Variants in DISC1 observed in about 807,000 individuals in gnomAD.
DISC1 encodes the protein DISC1 scaffold protein.
In DISC1, 57 loss-of-function variants were observed where a neutral mutation model predicts 84.5. That is an observed-to-expected ratio of 0.67 (90% CI 0.55 to 0.84). The LOEUF is 0.84. Among genes scored for constraint, DISC1 ranks in the 40% least tolerant of loss-of-function variants. The probability of loss-of-function intolerance (pLI) is 0.00; values close to 1 mark genes in which losing one functional copy is unlikely to be tolerated. For synonymous variants in DISC1, 411 were observed against 415.2 expected (o/e 0.99, Z 0.12); for missense variants, 1,000 against 1,057.8 (o/e 0.95, Z 0.76).
chr1:231,687,716 T>A (rs1460817445), intron 1 of DISC1, among the ~76,000 whole-genome samples: 4 of 152,314 alleles, frequency 2.6e-5, no homozygotes, highest in South Asian at 4.1e-4. Flanking sequence ...AGGCCCAGGT[T>A]GTTGAATTAA....
At chr1:231,837,009 C>G (rs559311019) in intron 9 of DISC1, among the ~76,000 whole-genome samples, 1 of 152,280 alleles carries the variant, frequency 6.6e-6, no homozygotes, top group Non-Finnish European at 1.5e-5. Flanking sequence ...TTTGCCACAT[C>G]TAATGTAATA....
rs80205840 is a variant in DISC1, at chr1:231,934,350, G to T, written c.1982-24478G>T. On this transcript the variant is annotated intron_variant, in intron 9 of 12. Coordinates refer to ENST00000439617, the MANE Select transcript of DISC1 (RefSeq NM_018662.3). ...AGCTCCTCAGCATTGTATCTTATGG[G>T]AATAGTTACTCTTCAGCCTCCGTGT... Among the ~76,000 whole-genome samples the T allele has an allele frequency of 6.0e-3, 910 of 152,296 alleles. 15 individuals are homozygous for T. Among genetic ancestry groups the T allele is most frequent in the African/African-American group, 0.021 (875 of 41,544 alleles).
rs564105042 is a variant in DISC1, at chr1:231,725,150, T to C, written c.1117+23126T>C. Among the ~76,000 whole-genome samples the C allele has an allele frequency of 3.9e-5, 6 of 152,256 alleles. No homozygotes were observed. The East Asian group carries it at 9.7e-4, about 25-fold the overall frequency. On this transcript the variant is annotated intron_variant, in intron 3 of 12. Transcript: ENST00000439617. ...GCAGCAACCACAGTGACGTCCCCAGTGATCAGGCTTCGTGGGGATGCTCAA... is the reference window on the plus strand; with the variant it reads ...GCAGCAACCACAGTGACGTCCCCAGCGATCAGGCTTCGTGGGGATGCTCAA...
chr1:231,840,771 G>T (rs372675500), intron 9 of DISC1, among the ~76,000 whole-genome samples: 1 of 151,870 alleles, frequency 6.6e-6, no homozygotes, highest in Non-Finnish European at 1.5e-5. Flanking sequence ...GCAGTGGCGC[G>T]ATCTCAGCTC....
In DISC1 at chr1:232,036,635, C is replaced by T. The variant is rs9726468; in HGVS notation, c.2426-57C>T. ...CAGGCTCACACGCTCTTCGATCCCT[C>T]GGAGGCCGCAGAGGGCCACGATCAC... is the stretch of plus-strand genomic sequence containing the variant. On this transcript the variant is annotated intron_variant, in intron 12 of 12. Transcript: ENST00000439617. The T allele has an allele frequency of 4.7e-3, 6,855 of 1,450,608 alleles. 234 individuals carry two copies. The African/African-American group carries it at 0.079, about 17-fold the overall frequency. 89.9% of individuals were successfully genotyped at this position (1,450,608 alleles called of 1,614,324 possible).
At chr1:231,818,734 C>T in intron 9 of DISC1, 6 of 1,402,266 alleles carry the variant, frequency 4.3e-6, no homozygotes, top group Non-Finnish European at 5.5e-6. Flanking sequence ...GACATCTTTT[C>T]TTTTTCTGTT....
chr1:232,011,301 G>T (rs2103004514), intron 11 of DISC1, among the ~76,000 whole-genome samples: 1 of 152,232 alleles, frequency 6.6e-6, no homozygotes, highest in African/African-American at 2.4e-5. Context: ...CTGCTGTTTG[G>T]GTGCTCCAGG....
intron 10 of DISC1, among the ~76,000 whole-genome samples, chr1:231,968,074 T>C (rs1284744858): frequency 6.6e-6 from 1 of 152,222 alleles, no homozygotes; most frequent in African/African-American, 2.4e-5. Context: ...AATTTATAAT[T>C]AACTTTTCTG....
intron 3 of DISC1, among the ~76,000 whole-genome samples, chr1:231,725,902 C>T (rs1489003769): frequency 6.6e-6 from 1 of 152,078 alleles, no homozygotes; most frequent in Non-Finnish European, 1.5e-5. Flanking sequence ...GCTGGAGAAA[C>T]TGCACACTGA....
At chr1:231,786,467 C>T (rs1036621664) in intron 6 of DISC1, among the ~76,000 whole-genome samples, 2 of 152,210 alleles carry the variant, frequency 1.3e-5, no homozygotes, top group Non-Finnish European at 2.9e-5. Flanking sequence ...GTGTTGTTGT[C>T]ACCTTGGATG....
At chr1:232,034,900 A>G (rs1261137399) in intron 12 of DISC1, among the ~76,000 whole-genome samples, 5 of 151,748 alleles carry the variant, frequency 3.3e-5, no homozygotes, top group Admixed American at 2.6e-4. Flanking sequence ...AGCCTCTTAA[A>G]AAAAAAAAAG....
In DISC1 at chr1:231,675,894, G is replaced by A. The variant is rs1558304159; in HGVS notation, c.68-17932G>A. Among the ~76,000 whole-genome samples, 1 of 150,696 alleles carries A rather than the reference G, an allele frequency of 6.6e-6. No homozygotes were observed. Among genetic ancestry groups the A allele is most frequent in the African/African-American group, 2.4e-5 (1 of 40,864 alleles). On this transcript the variant is annotated intron_variant, in intron 1 of 12. Coordinates refer to ENST00000439617, the MANE Select transcript of DISC1 (RefSeq NM_018662.3). This position sits in a 1 kb window ranked among gnomAD's most constrained non-coding sequence, Gnocchi z 4.1. ...ACACAGAATTCCCACTGTCGCCCAG[G>A]CTGGAATGCAATGATGTGATCTCGG...
chr1:231,717,591 A>G (rs200141488), intron 3 of DISC1, among the ~76,000 whole-genome samples: 102 of 152,318 alleles, frequency 6.7e-4, no homozygotes, highest in Non-Finnish European at 1.2e-3. Context: ...GGCAAGGGTC[A>G]TGTATTCAGA....
intron 9 of DISC1, among the ~76,000 whole-genome samples, chr1:231,869,251 G>T (rs1054200423): frequency 6.6e-6 from 1 of 152,114 alleles, no homozygotes; most frequent in Non-Finnish European, 1.5e-5. Flanking sequence ...TACAACCACC[G>T]GGGAGTCTGT....
chr1:232,014,623 A>G (rs1558838063), intron 11 of DISC1, among the ~76,000 whole-genome samples: 1 of 152,230 alleles, frequency 6.6e-6, no homozygotes, highest in Admixed American at 6.5e-5. Context: ...CTAGCTGAAA[A>G]CATGCCCTCT....
rs545966205 is a variant in DISC1 at position 231,997,242 on chromosome 1, A to G, written c.2043-11543A>G. The stretch of plus-strand genomic sequence containing the variant: ...TCCCATCAAATAGCAAATAGACACA[A>G]AGTTACAGTATTCCAGTCATTATAC... On this transcript the variant is annotated intron_variant, in intron 10 of 12. Coordinates refer to ENST00000439617, the MANE Select transcript of DISC1 (RefSeq NM_018662.3). Among the ~76,000 whole-genome samples, 6 of 152,276 alleles carry G rather than the reference A, an allele frequency of 3.9e-5. No individual in the cohort carries two copies. The East Asian group carries it at 1.2e-3, about 29-fold the overall frequency.
chr1:231,866,821 A>G, intron 9 of DISC1: 1 of 947,774 alleles, frequency 1.1e-6, no homozygotes, highest in Non-Finnish European at 1.4e-6. Flanking sequence ...TCTTAATACG[A>G]GGAAATGTTG....
chr1:231,792,870 A>G (rs1335730036), intron 6 of DISC1, among the ~76,000 whole-genome samples: 1 of 152,162 alleles, frequency 6.6e-6, no homozygotes, highest in Non-Finnish European at 1.5e-5. Flanking sequence ...CACTGTTCCC[A>G]CTGAGTACAC....
At chr1:231,807,571 A>T (rs2079839596) in intron 8 of DISC1, among the ~76,000 whole-genome samples, 1 of 152,198 alleles carries the variant, frequency 6.6e-6, no homozygotes, top group Non-Finnish European at 1.5e-5. Context: ...TTCACTTGTT[A>T]AGATTTTCAT....
Sources: allele counts gnomAD v4.1 joint callset (sites outside exome capture counted in the v4.1 genomes callset), GRCh38; gene constraint gnomAD v4.1.1; non-coding constraint Gnocchi (gnomAD v3.1); transcripts MANE v1.5; gene names NCBI Gene and HGNC (gene_info 2026-07-23, HGNC 2026-07-21).